The following BMPR1B variants were observed in gnomAD, a reference collection of about 807,000 sequenced individuals.
The protein encoded by BMPR1B is bone morphogenetic protein receptor type-1B.
A neutral mutation model predicts 59.1 loss-of-function variants in BMPR1B; 12 were observed. The ratio of observed to expected loss-of-function variants is 0.20; its 90% CI spans 0.13 to 0.33. BMPR1B has a LOEUF of 0.33. BMPR1B is among the 10% of genes least tolerant of loss of function. BMPR1B has a pLI of 1.00. For missense variants in BMPR1B, 550 were observed against 610.9 expected (o/e 0.90, Z 1.05); for synonymous variants, 237 against 207.3 (o/e 1.14, Z -1.23).
chr4:94,807,530 A>G (rs1723650186), intron 1 of BMPR1B, among the ~76,000 whole-genome samples: 1 of 152,212 alleles, frequency 6.6e-6, no homozygotes, highest in South Asian at 2.1e-4. Flanking sequence ...TAAGTAGTGA[A>G]ATATGGTTAT....
At chr4:95,008,822 GA>G (rs1723028726) in intron 3 of BMPR1B, among the ~76,000 whole-genome samples, 1 of 152,050 alleles carries the variant, frequency 6.6e-6, no homozygotes, top group South Asian at 2.1e-4. Context: ...ATTTCAAAAA[GA>G]GAAAATCCAA....
At chr4:95,143,601 A>G (rs1734414057) in intron 10 of BMPR1B, among the ~76,000 whole-genome samples, 2 of 152,084 alleles carry the variant, frequency 1.3e-5, no homozygotes, top group Admixed American at 6.5e-5. Flanking sequence ...ATCAATGTAG[A>G]CCTCATACTC....
chr4:95,103,941 T>A (rs1194201434), intron 3 of BMPR1B, among the ~76,000 whole-genome samples: 1 of 152,116 alleles, frequency 6.6e-6, no homozygotes, highest in African/African-American at 2.4e-5. Flanking sequence ...GTAGAGAGAC[T>A]CTGTGATATG....
chr4:95,144,442 A>G (rs1251661873), intron 10 of BMPR1B, among the ~76,000 whole-genome samples: 1 of 151,140 alleles, frequency 6.6e-6, no homozygotes, highest in Non-Finnish European at 1.5e-5. Context: ...GCCTCCCAAA[A>G]TGCTGAGATT....
chr4:94,794,754 C>A (rs560659657), intron 1 of BMPR1B, among the ~76,000 whole-genome samples: 2 of 151,932 alleles, frequency 1.3e-5, no homozygotes, highest in East Asian at 1.9e-4. Context: ...AAATTGGATT[C>A]CTAGGTATTT....
rs74398504 is a variant in BMPR1B, at chr4:94,969,016, A to G, written c.-112-27024A>G. 7.4e-3 allele frequency among the ~76,000 whole-genome samples: 1,121 copies of G among 151,538 alleles called. 17 individuals are homozygous for G. The highest frequency in any genetic ancestry group is 0.026 in the African/African-American group (1,070 of 41,246). ...GAAGTTAGATAGGCATAGTTTGTCT[A>G]TATATCCTGAGTTTACTTTTTTTGT... On this transcript the variant is annotated intron_variant, in intron 2 of 12. Coordinates refer to ENST00000515059, the MANE Select transcript of BMPR1B (RefSeq NM_001203.3).
chr4:95,037,840 G>A (rs749285911), intron 3 of BMPR1B, among the ~76,000 whole-genome samples: 5 of 152,064 alleles, frequency 3.3e-5, no homozygotes, highest in East Asian at 1.9e-4. Flanking sequence ...TCTTGAATAC[G>A]TATTACATAG....
At chr4:94,892,147 G>T (rs1052997421) in intron 2 of BMPR1B, among the ~76,000 whole-genome samples, 6 of 152,022 alleles carry the variant, frequency 3.9e-5, no homozygotes, top group Non-Finnish European at 7.4e-5. Flanking sequence ...GGTCTAAATG[G>T]AGGTTAACAT....
intron 3 of BMPR1B, among the ~76,000 whole-genome samples, chr4:95,069,293 G>A (rs1280273726): frequency 6.6e-6 from 1 of 152,116 alleles, no homozygotes; most frequent in African/African-American, 2.4e-5. Context: ...TCTTAGCATA[G>A]CAATCAGAGT....
At chr4:94,798,288 C>T (rs781739272) in intron 1 of BMPR1B, among the ~76,000 whole-genome samples, 9 of 152,198 alleles carry the variant, frequency 5.9e-5, no homozygotes, top group Non-Finnish European at 1.2e-4. Context: ...TCTCTGTAAT[C>T]GGAAAGCAAT....
intron 2 of BMPR1B, among the ~76,000 whole-genome samples, chr4:94,971,365 G>A (rs548164474): frequency 6.6e-6 from 1 of 152,188 alleles, no homozygotes; most frequent in East Asian, 1.9e-4. Flanking sequence ...CTAAGGGTAT[G>A]TTATTATTTT....
chr4:94,779,978 A>C (rs979354758), intron 1 of BMPR1B, among the ~76,000 whole-genome samples: 1 of 151,872 alleles, frequency 6.6e-6, no homozygotes, highest in Non-Finnish European at 1.5e-5. Context: ...CTTAATCTCT[A>C]TGTTACATTT....
chr4:94,975,543 G>A (rs115159140), intron 2 of BMPR1B, among the ~76,000 whole-genome samples: 2,122 of 150,030 alleles, frequency 0.014, 48 homozygotes, highest in African/African-American at 0.049. Flanking sequence ...TTTTTTTTTG[G>A]TATTTTTTGT....
At chr4:95,074,302 G>A (rs1429627083) in intron 3 of BMPR1B, among the ~76,000 whole-genome samples, 1 of 151,968 alleles carries the variant, frequency 6.6e-6, no homozygotes, top group Non-Finnish European at 1.5e-5. Flanking sequence ...ACAGCTTCTT[G>A]GAACAAGCAA....
chr4:95,100,843 G>A (rs1483295072), intron 3 of BMPR1B, among the ~76,000 whole-genome samples: 2 of 152,090 alleles, frequency 1.3e-5, no homozygotes, highest in Non-Finnish European at 1.5e-5. Context: ...ATAGCAACGT[G>A]TTCTTGTTTC....
At chr4:94,881,735 G>A (rs988834605) in intron 2 of BMPR1B, among the ~76,000 whole-genome samples, 6 of 152,130 alleles carry the variant, frequency 3.9e-5, no homozygotes, top group African/African-American at 1.2e-4. Flanking sequence ...AAAGTGCTGG[G>A]ATTACAGGCA....
In BMPR1B at chr4:95,012,594, A is replaced by T. The variant is rs975338063; in HGVS notation, c.-18+16460A>T. ...AATGTACCTATGCTGCTTCTTATTA[A>T]TACTGATTTTGAATTAATATTGGCA... On this transcript the variant is annotated intron_variant, in intron 3 of 12. Transcript: ENST00000515059. Among the ~76,000 whole-genome samples, 11 of 152,098 alleles carry T rather than the reference A, an allele frequency of 7.2e-5. No homozygotes were observed. In the East Asian group the frequency reaches 2.1e-3, roughly 29 times the overall value.
At chr4:94,812,916 A>G (rs1382039297) in intron 1 of BMPR1B, among the ~76,000 whole-genome samples, 2 of 152,232 alleles carry the variant, frequency 1.3e-5, no homozygotes, top group Non-Finnish European at 2.9e-5. Flanking sequence ...AGGACAACAT[A>G]TAAAAGTTAA....
At chr4:94,830,952 A>G (rs1724561815) in intron 1 of BMPR1B, among the ~76,000 whole-genome samples, 9 of 152,204 alleles carry the variant, frequency 5.9e-5, no homozygotes, top group Admixed American at 5.9e-4. Flanking sequence ...AGGTTTATGT[A>G]TTGATTCCAC....
Sources: gnomAD v4.1 joint callset for allele counts (sites outside exome capture counted in the v4.1 genomes callset) on GRCh38, gnomAD v4.1.1 for gene constraint, MANE v1.5 for transcripts, NCBI Gene and HGNC (gene_info 2026-07-23, HGNC 2026-07-21) for gene names.